The following ADAMTSL1 variants were observed in gnomAD, a reference collection of about 807,000 sequenced individuals.
The protein encoded by ADAMTSL1 is ADAMTS like 1.
Under a neutral mutation model 201.8 loss-of-function variants are expected in ADAMTSL1, and 126 were observed. That is an observed-to-expected ratio of 0.62 (90% CI 0.54 to 0.72). ADAMTSL1 has a LOEUF of 0.72. Among genes scored for constraint, ADAMTSL1 ranks in the 30% least tolerant of loss-of-function variants. The pLI is 0.00. For missense variants in ADAMTSL1, 2,679 were observed against 2,277.8 expected, an observed-to-expected ratio of 1.18 and a Z score of -3.59; for synonymous variants, 1,121 against 903.4, an observed-to-expected ratio of 1.24 and a Z score of -4.32.
At chr9:18,890,977 G>A (rs1383096179) in intron 25 of ADAMTSL1, among the ~76,000 whole-genome samples, 2 of 152,086 alleles carry the variant, frequency 1.3e-5, no homozygotes, top group East Asian at 3.9e-4. Flanking sequence ...CAATGCCCCC[G>A]GGAGTTTTTA....
Position 18,212,098 on chromosome 9 carries a change from A to G in ADAMTSL1, c.207+48117A>G, listed in dbSNP as rs1829892545. On this transcript the variant is annotated intron_variant, in intron 2 of 29. Coordinates refer to the ADAMTSL1 transcript ENST00000680146. ...TGACCAGATTTAGGCACCAGAAAAA[A>G]TTCTGGAACCAAATCTGGACAAGGT... Among the ~76,000 whole-genome samples, 6 of 152,162 alleles carry G rather than the reference A, an allele frequency of 3.9e-5. No individual in the cohort carries two copies. The South Asian group carries it at 1.2e-3, about 31-fold the overall frequency.
rs375120039 is a variant in ADAMTSL1 at position 18,732,910 on chromosome 9, T to C, written c.2006+11245T>C. Among the ~76,000 whole-genome samples, 64 of 152,328 alleles carry C rather than the reference T, an allele frequency of 4.2e-4. No individual in the cohort carries two copies. The South Asian group carries it at 0.011, about 27-fold the overall frequency. ...ACAGTGCCCATCACTTTATATACATTATTTTGATTAATCTTACCCACAATT... is the reference window on the plus strand; with the variant it reads ...ACAGTGCCCATCACTTTATATACATCATTTTGATTAATCTTACCCACAATT... On this transcript the variant is annotated intron_variant, in intron 15 of 28. Coordinates refer to ENST00000380548, the MANE Select transcript of ADAMTSL1 (RefSeq NM_001040272.6).
chr9:18,002,487 T>C (rs1175650530), intron 1 of ADAMTSL1, among the ~76,000 whole-genome samples: 1 of 152,042 alleles, frequency 6.6e-6, no homozygotes, highest in Admixed American at 6.6e-5. Context: ...TAGTAAGTTC[T>C]TAATAATGTA....
At chr9:18,711,006 C>G (rs1037031376) in intron 14 of ADAMTSL1, among the ~76,000 whole-genome samples, 2 of 152,104 alleles carry the variant, frequency 1.3e-5, no homozygotes, top group East Asian at 3.9e-4. Context: ...GGCAAAAATA[C>G]TAAACCTGTA....
rs1026308356 is a variant in ADAMTSL1, at chr9:18,523,893, T to G, written c.192-9354T>G. On this transcript the variant is annotated intron_variant, in intron 2 of 28. Coordinates refer to ENST00000380548, the MANE Select transcript of ADAMTSL1 (RefSeq NM_001040272.6). ...GGTAGCGTGATGCCTCCAGCTTTGT[T>G]CGTTTGGCTTAGGATTGACTTGGTG... Among the ~76,000 whole-genome samples the G allele has an allele frequency of 5.9e-5, 8 of 135,132 alleles. 1 individual carries two copies. Among genetic ancestry groups the G allele is most frequent in the Non-Finnish European group, 1.3e-4 (8 of 62,760 alleles). The allele number at this position is 135,132 out of a possible 152,430, so 88.7% of individuals were successfully genotyped here.
At chr9:18,291,763 A>ACT (rs1490625006) in intron 2 of ADAMTSL1, among the ~76,000 whole-genome samples, 1 of 147,464 alleles carries the variant, frequency 6.8e-6, no homozygotes, top group Non-Finnish European at 1.5e-5. Context: ...ACACACACAC[A>ACT]CACACACACA....
intron 1 of ADAMTSL1, among the ~76,000 whole-genome samples, chr9:18,094,070 G>A (rs1050401438): frequency 6.6e-5 from 10 of 152,146 alleles, no homozygotes; most frequent in African/African-American, 2.4e-4. Context: ...TTTTCGTTGA[G>A]TAATGTACCC....
chr9:18,888,652 A>G (rs1829052137), intron 24 of ADAMTSL1, among the ~76,000 whole-genome samples: 1 of 152,178 alleles, frequency 6.6e-6, no homozygotes, highest in African/African-American at 2.4e-5. Flanking sequence ...ATGAGGCCCA[A>G]TCAGTGGGAA....
intron 2 of ADAMTSL1, among the ~76,000 whole-genome samples, chr9:18,510,240 A>C (rs1337364246): frequency 6.6e-6 from 1 of 152,210 alleles, no homozygotes; most frequent in Non-Finnish European, 1.5e-5. Context: ...TTGTGGAATA[A>C]ATGACAACTA....
intron 2 of ADAMTSL1, among the ~76,000 whole-genome samples, chr9:18,223,683 T>G (rs1652275776): frequency 6.6e-6 from 1 of 152,256 alleles, no homozygotes; most frequent in Non-Finnish European, 1.5e-5. Flanking sequence ...TGAACTATAT[T>G]AAATATATCT....
chr9:18,730,483 G>T (rs990808859), intron 15 of ADAMTSL1, among the ~76,000 whole-genome samples: 3 of 152,222 alleles, frequency 2.0e-5, no homozygotes, highest in African/African-American at 7.2e-5. Flanking sequence ...TCTGCTGCAG[G>T]TGCAGAAAGA....
intron 2 of ADAMTSL1, among the ~76,000 whole-genome samples, chr9:18,354,401 A>G (rs1319595555): frequency 1.3e-5 from 2 of 152,214 alleles, no homozygotes; most frequent in African/African-American, 4.8e-5. Flanking sequence ...CCCATATTCC[A>G]TAAGTAGAGT....
At chr9:18,693,051 AT>A (rs1384940279) in intron 13 of ADAMTSL1, among the ~76,000 whole-genome samples, 1 of 152,102 alleles carries the variant, frequency 6.6e-6, no homozygotes, top group African/African-American at 2.4e-5. Context: ...TTTTCCCAAA[AT>A]TTTATGGATG....
chr9:18,110,775 C>G (rs928899479), intron 1 of ADAMTSL1, among the ~76,000 whole-genome samples: 2 of 152,136 alleles, frequency 1.3e-5, no homozygotes, highest in African/African-American at 4.8e-5. Context: ...GCCAGTTTCT[C>G]TTTTGATCTC....
At chr9:18,526,742 C>G (rs2132066157) in intron 2 of ADAMTSL1, among the ~76,000 whole-genome samples, 1 of 152,248 alleles carries the variant, frequency 6.6e-6, no homozygotes, top group South Asian at 2.1e-4. Flanking sequence ...TGGGGGCAAC[C>G]TCCTGCAGTA....
rs1826401221 is a variant in ADAMTSL1, at chr9:18,141,603, C to G, written c.88-22259C>G. On this transcript the variant is annotated intron_variant, in intron 1 of 29. Transcript: ENST00000680146. ...GCCTGGTGGTGGCCAGCACTTCTTC[C>G]AAGTAGCCTTCCATCACAAGGTTGG... 2.0e-5 allele frequency among the ~76,000 whole-genome samples: 3 copies of G among 152,200 alleles called. No individual in the cohort carries two copies. In the South Asian group the frequency reaches 6.2e-4, roughly 31 times the overall value.
chr9:18,635,173 A>T (rs1313429825), intron 5 of ADAMTSL1, among the ~76,000 whole-genome samples: 2 of 151,966 alleles, frequency 1.3e-5, no homozygotes, highest in African/African-American at 4.8e-5. Context: ...CCATAAAAAT[A>T]TAAGATACTG....
At chr9:18,115,337 TGGAAGGCAGGCA>T (rs1223392368) in intron 1 of ADAMTSL1, among the ~76,000 whole-genome samples, 2 of 152,156 alleles carry the variant, frequency 1.3e-5, no homozygotes, top group African/African-American at 4.8e-5. Flanking sequence ...AGGCAATTTC[TGGAAGGCAGGCA>T]GGAAGGCAGG....
chr9:18,648,329 G>C (rs571733858), intron 7 of ADAMTSL1, among the ~76,000 whole-genome samples: 26 of 149,842 alleles, frequency 1.7e-4, no homozygotes, highest in African/African-American at 5.4e-4. Flanking sequence ...GATGGGTCTT[G>C]ACTCTTTATC....
Sources: allele counts gnomAD v4.1 joint callset (sites outside exome capture counted in the v4.1 genomes callset), GRCh38; gene constraint gnomAD v4.1.1; transcripts MANE v1.5; gene names NCBI Gene and HGNC (gene_info 2026-07-23, HGNC 2026-07-21).